The following SORCS2 variants were observed in gnomAD, a reference collection of about 807,000 sequenced individuals.
The protein encoded by SORCS2 is VPS10 domain-containing receptor SorCS2.
A neutral mutation model predicts 141.6 loss-of-function variants in SORCS2; 100 were observed. The ratio of observed to expected loss-of-function variants is 0.71; its 90% CI spans 0.60 to 0.83. The LOEUF (loss-of-function observed/expected upper bound fraction) is 0.83, where lower values mean the gene tolerates loss of function less well. Ranked by LOEUF, SORCS2 falls within the 40% of genes least tolerant of loss-of-function variation. SORCS2 has a pLI of 0.00. For synonymous variants in SORCS2, 789 were observed against 676.9 expected, an observed-to-expected ratio of 1.17 and a Z score of -2.57; for missense variants, 1,646 against 1,560.2, an observed-to-expected ratio of 1.05 and a Z score of -0.93.
chr4:7,693,318 G>A (rs1724377992), intron 11 of SORCS2, among the ~76,000 whole-genome samples: 1 of 152,206 alleles, frequency 6.6e-6, no homozygotes, highest in African/African-American at 2.4e-5. Flanking sequence ...ATCCCAGCGA[G>A]CCAGTGTTCC....
At chr4:7,524,932 G>T (rs1262395021) in intron 2 of SORCS2, among the ~76,000 whole-genome samples, 1 of 152,238 alleles carries the variant, frequency 6.6e-6, no homozygotes, top group Non-Finnish European at 1.5e-5. Context: ...CATCATTGAG[G>T]ATCCTGTCCC....
intron 3 of SORCS2, among the ~76,000 whole-genome samples, chr4:7,546,707 C>T (rs941472440): frequency 2.6e-5 from 4 of 152,152 alleles, no homozygotes; most frequent in East Asian, 1.9e-4. Context: ...CACAAGAGCA[C>T]GTGTAGCCTG....
At chr4:7,314,441 G>A (rs910097920) in intron 1 of SORCS2, among the ~76,000 whole-genome samples, 3 of 150,680 alleles carry the variant, frequency 2.0e-5, no homozygotes, top group Non-Finnish European at 2.9e-5. Context: ...CTGGGTTCAC[G>A]CCATTCTCCT....
chr4:7,584,076 G>A (rs1716368045), intron 3 of SORCS2, among the ~76,000 whole-genome samples: 1 of 152,218 alleles, frequency 6.6e-6, no homozygotes, highest in African/African-American at 2.4e-5. Flanking sequence ...ACTAACATAA[G>A]GTTTTATATG....
At chr4:7,475,677 A>G (rs1205368044) in intron 2 of SORCS2, among the ~76,000 whole-genome samples, 3 of 152,224 alleles carry the variant, frequency 2.0e-5, no homozygotes, top group Non-Finnish European at 2.9e-5. Context: ...ATGTGCATAC[A>G]TGCACTCATG....
chr4:7,726,744 T>A, intron 20 of SORCS2, 36 bp from the exon 21 acceptor site: 1 of 1,605,528 alleles, frequency 6.2e-7, no homozygotes, highest in East Asian at 2.2e-5. Context: ...GCTGCCTCAC[T>A]CGGCCAGGCC....
intron 2 of SORCS2, among the ~76,000 whole-genome samples, chr4:7,452,998 G>C (rs1728578748): frequency 8.8e-6 from 1 of 113,830 alleles, no homozygotes; most frequent in African/African-American, 3.0e-5. Flanking sequence ...CTCCGTGTTG[G>C]GGTCAGGCGC....
chr4:7,510,798 C>T (rs771430732), intron 2 of SORCS2, among the ~76,000 whole-genome samples: 1 of 152,228 alleles, frequency 6.6e-6, no homozygotes, highest in Non-Finnish European at 1.5e-5. Flanking sequence ...GGTCTCTGCT[C>T]AACGTCAGAG....
At chr4:7,735,323 G>C (rs1712079771) in intron 25 of SORCS2, 1 of 154,544 alleles carries the variant, frequency 6.5e-6, no homozygotes, top group Non-Finnish European at 1.5e-5. Context: ...AGCCTTTCAT[G>C]GGCCCTGGAC....
intron 3 of SORCS2, among the ~76,000 whole-genome samples, chr4:7,553,396 A>C (rs1368496879): frequency 6.6e-6 from 1 of 152,274 alleles, no homozygotes; most frequent in Non-Finnish European, 1.5e-5. Flanking sequence ...ACATATTTTC[A>C]GTACTGAATT....
rs559613928 is a variant in SORCS2 at position 7,522,437 on chromosome 4, T to C, written c.549-9093T>C. On this transcript the variant is annotated intron_variant, in intron 2 of 26. Coordinates refer to ENST00000507866, the MANE Select transcript of SORCS2 (RefSeq NM_020777.3). ...GTTTTTAGACTCTGGTTTTTTATTT[T>C]TAATTGGAATAAATGTAGATTGGAA... is the stretch of plus-strand genomic sequence containing the variant. 9.2e-5 allele frequency among the ~76,000 whole-genome samples: 14 copies of C among 152,364 alleles called. No individual in the cohort carries two copies. In the East Asian group the frequency reaches 2.1e-3, roughly 23 times the overall value.
Position 7,643,529 on chromosome 4 carries a change from C to T in SORCS2, c.813+5037C>T, listed in dbSNP as rs184368784. On this transcript the variant is annotated intron_variant, in intron 4 of 26. Coordinates refer to ENST00000507866, the MANE Select transcript of SORCS2 (RefSeq NM_020777.3). ...ATTGCCTTTTAGAAACTTAGTAGGG[C>T]AGAGAAGACACCTTTGGGTGGGCAA... Among the ~76,000 whole-genome samples, 396 of 152,278 alleles carry T rather than the reference C, an allele frequency of 2.6e-3. 3 individuals are homozygous for T. In the Middle Eastern group the frequency reaches 0.027, roughly 10 times the overall value.
At chr4:7,585,931 G>C (rs1032813009) in intron 3 of SORCS2, among the ~76,000 whole-genome samples, 5 of 152,220 alleles carry the variant, frequency 3.3e-5, no homozygotes, top group Non-Finnish European at 7.3e-5. Context: ...GCCTTATAGA[G>C]GGAGCCATGC....
At position 7,676,824 on chromosome 4, in the gene SORCS2, T is replaced by TCTCCCTCTCTCC. The variant is rs1553902878; in HGVS notation, c.1341+598_1341+599insCCTCTCTCCCTC. Among the ~76,000 whole-genome samples the TCTCCCTCTCTCC allele has an allele frequency of 1.4e-3, 68 of 49,086 alleles. 3 individuals are homozygous for TCTCCCTCTCTCC. Among genetic ancestry groups the TCTCCCTCTCTCC allele is most frequent in the African/African-American group, 5.8e-3 (66 of 11,300 alleles). The allele number at this position is 49,086 out of a possible 152,430, so 32.2% of individuals were successfully genotyped here. A position where few individuals can be genotyped will look rare whatever the true frequency, so the allele number is the denominator to read the frequency against. On this transcript the variant is annotated intron_variant, in intron 9 of 26. Transcript: ENST00000507866. Reference sequence around the variant, plus strand: ...TTCTGTCTCTCTCTCTCTCTCTCTCTCTCTCCCTCTCTCCACCCCAGCCCT... The same window carrying TCTCCCTCTCTCC: ...TTCTGTCTCTCTCTCTCTCTCTCTCTCTCCCTCTCTCCCTCTCCCTCTCTCCACCCCAGCCCT...
At chr4:7,433,792 A>T (rs773320694) in intron 2 of SORCS2, 1 of 1,613,608 alleles carries the variant, frequency 6.2e-7, no homozygotes. Flanking sequence ...ACACAGACGG[A>T]TGAACTTGCA....
At chr4:7,403,884 T>C (rs1256582969) in intron 2 of SORCS2, among the ~76,000 whole-genome samples, 1 of 148,102 alleles carries the variant, frequency 6.8e-6, no homozygotes, top group African/African-American at 2.5e-5. Context: ...ACGAAGTAAT[T>C]TTGAATACTC....
At chr4:7,389,970 G>A (rs150764175) in intron 1 of SORCS2, among the ~76,000 whole-genome samples, 6,063 of 152,186 alleles carry the variant, frequency 0.04, 190 homozygotes, top group Non-Finnish European at 0.054. Flanking sequence ...AAATGTGAGC[G>A]ACGAAATGAA....
chr4:7,515,312 A>G (rs1042352878), intron 2 of SORCS2, among the ~76,000 whole-genome samples: 4 of 152,160 alleles, frequency 2.6e-5, no homozygotes, highest in African/African-American at 9.7e-5. Context: ...TTGGAGTAAT[A>G]TCATTAACCA....
chr4:7,207,258 C>T (rs1727794326), intron 1 of SORCS2, among the ~76,000 whole-genome samples: 1 of 152,232 alleles, frequency 6.6e-6, no homozygotes, highest in Admixed American at 6.5e-5. Flanking sequence ...TCCACATCCA[C>T]ATGTCCCTTT....
Sources: allele counts gnomAD v4.1 joint callset (sites outside exome capture counted in the v4.1 genomes callset), GRCh38; gene constraint gnomAD v4.1.1; transcripts MANE v1.5; gene names NCBI Gene and HGNC (gene_info 2026-07-23, HGNC 2026-07-21).